SPEF2: variants seen among roughly 807,000 people sequenced by gnomAD.
SPEF2 encodes the protein sperm flagellar and cilia associated 2.
In SPEF2, 187 loss-of-function variants were observed where a neutral mutation model predicts 224.6. That is an observed-to-expected ratio of 0.83 (90% CI 0.74 to 0.94). The LOEUF (loss-of-function observed/expected upper bound fraction) is 0.94, where lower values mean the gene tolerates loss of function less well. Ranked by LOEUF, SPEF2 falls within the 40% of genes least tolerant of loss-of-function variation. SPEF2 has a pLI of 0.00. For synonymous variants in SPEF2, 715 were observed against 707.3 expected (o/e 1.01, Z -0.17); for missense variants, 2,170 against 2,135.6 (o/e 1.02, Z -0.32).
chr5:35,748,899 G>A (rs545186330), intron 23 of SPEF2, among the ~76,000 whole-genome samples: 22 of 151,900 alleles, frequency 1.4e-4, no homozygotes, highest in Non-Finnish European at 2.2e-4. Context: ...ATTACAGACC[G>A]ATATCCTTGA....
chr5:35,791,305 ACC>A (rs1442398594), intron 30 of SPEF2, among the ~76,000 whole-genome samples: 1 of 152,220 alleles, frequency 6.6e-6, no homozygotes, highest in African/African-American at 2.4e-5. Flanking sequence ...CACTCTTGCT[ACC>A]CAGAAAATTA....
chr5:35,681,585 A>G (rs1032222196), intron 10 of SPEF2, among the ~76,000 whole-genome samples: 2 of 152,212 alleles, frequency 1.3e-5, no homozygotes, highest in African/African-American at 4.8e-5. Flanking sequence ...TGTGAAATTA[A>G]TTTAGGTCAC....
chr5:35,798,891 C>G (rs1757040797), intron 33 of SPEF2, among the ~76,000 whole-genome samples: 1 of 152,210 alleles, frequency 6.6e-6, no homozygotes, highest in African/African-American at 2.4e-5. Flanking sequence ...GCCACCACGC[C>G]TGGCCTCTCT....
intron 20 of SPEF2, among the ~76,000 whole-genome samples, chr5:35,724,479 C>A (rs1744297443): frequency 6.6e-6 from 1 of 152,040 alleles, no homozygotes; most frequent in Non-Finnish European, 1.5e-5. Context: ...AGTATAAGAA[C>A]TTCTCTGAGT....
chr5:35,660,872 C>T (rs1188635276), intron 8 of SPEF2, among the ~76,000 whole-genome samples: 1 of 152,134 alleles, frequency 6.6e-6, no homozygotes, highest in Non-Finnish European at 1.5e-5. Flanking sequence ...AGGACCGGAA[C>T]AGTTGGGCCT....
At chr5:35,786,894 T>C (rs564155782) in intron 30 of SPEF2, among the ~76,000 whole-genome samples, 2 of 152,296 alleles carry the variant, frequency 1.3e-5, no homozygotes, top group African/African-American at 4.8e-5. Context: ...CCTAGAACCA[T>C]AAAGTATTGA....
At chr5:35,683,968 T>C (rs1184197517) in intron 10 of SPEF2, 1 of 152,208 alleles carries the variant, frequency 6.6e-6, no homozygotes, top group African/African-American at 2.4e-5. Context: ...GTTTATACCA[T>C]GTGATATTTA....
chr5:35,777,872 T>A (rs988301687), intron 29 of SPEF2, among the ~76,000 whole-genome samples: 9 of 152,244 alleles, frequency 5.9e-5, no homozygotes, highest in African/African-American at 2.2e-4. Flanking sequence ...AGTCATGTTT[T>A]ACAGAGTATC....
chr5:35,650,020 T>A (rs1448125181), intron 6 of SPEF2, among the ~76,000 whole-genome samples: 1 of 152,212 alleles, frequency 6.6e-6, no homozygotes, highest in Non-Finnish European at 1.5e-5. Flanking sequence ...CAACTTGGGT[T>A]TTTTTATATT....
intron 10 of SPEF2, among the ~76,000 whole-genome samples, chr5:35,672,768 T>C (rs930761603): frequency 8.5e-5 from 13 of 152,168 alleles, no homozygotes; most frequent in African/African-American, 3.1e-4. Flanking sequence ...AAAGTTTATA[T>C]TCTTAGCATA....
chr5:35,811,964 T>A (rs1299205573), intron 36 of SPEF2, among the ~76,000 whole-genome samples: 2 of 151,840 alleles, frequency 1.3e-5, no homozygotes, highest in African/African-American at 4.8e-5. Context: ...TCTCCATATT[T>A]TTTTTATTAG....
chr5:35,719,864 C>T (rs1743295352), intron 20 of SPEF2, among the ~76,000 whole-genome samples: 1 of 152,148 alleles, frequency 6.6e-6, no homozygotes, highest in Admixed American at 6.5e-5. Context: ...TCATGGTCCA[C>T]CCATCTCGGC....
intron 28 of SPEF2, among the ~76,000 whole-genome samples, chr5:35,775,385 A>G (rs1489370648): frequency 6.6e-6 from 1 of 152,134 alleles, no homozygotes; most frequent in Non-Finnish European, 1.5e-5. Flanking sequence ...TCCAGGGGAA[A>G]AATTGGCGTG....
chr5:35,737,849 A>G (rs1035626467), intron 21 of SPEF2, among the ~76,000 whole-genome samples: 15 of 151,972 alleles, frequency 9.9e-5, no homozygotes, highest in African/African-American at 3.4e-4. Flanking sequence ...AAGTGTTCCT[A>G]TTTCTCCACA....
chr5:35,788,711 G>GCGTT (rs1339489932), intron 30 of SPEF2: 1 of 702,902 alleles, frequency 1.4e-6, no homozygotes, highest in Non-Finnish European at 2.6e-6. Flanking sequence ...AGAGAACAAC[G>GCGTT]AGGTGGCCCT....
At chr5:35,780,227 C>CTTAGT (rs1341661609) in intron 30 of SPEF2, among the ~76,000 whole-genome samples, 2 of 152,146 alleles carry the variant, frequency 1.3e-5, no homozygotes, top group African/African-American at 2.4e-5. Context: ...GTAGCATAGT[C>CTTAGT]AACTGACTTT....
At chr5:35,736,468 A>AGTGTGTGTGT (rs139387194) in intron 21 of SPEF2, among the ~76,000 whole-genome samples, 67 of 149,246 alleles carry the variant, frequency 4.5e-4, no homozygotes, top group African/African-American at 1.6e-3. Context: ...CAAGTGACAG[A>AGTGTGTGTGT]GTGTGTGTGT....
chr5:35,644,676 C>G, intron 4 of SPEF2, 151 bp downstream of exon 4: 5 of 501,506 alleles, frequency 1.0e-5, no homozygotes, highest in Non-Finnish European at 1.7e-5. Context: ...CACCCTTTCT[C>G]TCTCTCCCCT....
At chr5:35,712,785 G>A in intron 19 of SPEF2, 27 bp from the exon 20 acceptor site, 4 of 1,610,226 alleles carry the variant, frequency 2.5e-6, no homozygotes, top group Non-Finnish European at 3.4e-6. Flanking sequence ...AATCATCAAT[G>A]ATTTTTGTGT....
Sources: gnomAD v4.1 joint callset for allele counts (sites outside exome capture counted in the v4.1 genomes callset) on GRCh38, gnomAD v4.1.1 for gene constraint, MANE v1.5 for transcripts, NCBI Gene and HGNC (gene_info 2026-07-23, HGNC 2026-07-21) for gene names.